The following SIPA1L1 variants were observed in gnomAD, a reference collection of about 807,000 sequenced individuals.
The protein encoded by SIPA1L1 is signal-induced proliferation-associated 1-like protein 1.
SIPA1L1 carries 26 observed loss-of-function variants against 162.7 expected under a neutral mutation model. That is an observed-to-expected ratio of 0.16 (90% CI 0.12 to 0.22). SIPA1L1 has a LOEUF of 0.22. SIPA1L1 is among the 10% of genes least tolerant of loss of function. The pLI is 1.00. For missense variants in SIPA1L1, 1,874 were observed against 2,241.0 expected, an observed-to-expected ratio of 0.84 and a Z score of 3.31; for synonymous variants, 829 against 837.4, an observed-to-expected ratio of 0.99 and a Z score of 0.17.
At chr14:71,536,441 AATG>A (rs2053913851) in intron 4 of SIPA1L1, among the ~76,000 whole-genome samples, 1 of 152,220 alleles carries the variant, frequency 6.6e-6, no homozygotes, top group Admixed American at 6.5e-5. Context: ...AAACAGAGCA[AATG>A]ATGAGAGCTT....
At position 71,329,228 on chromosome 14, in the gene SIPA1L1, T is replaced by C. The variant is rs545054040; in HGVS notation, c.-465+8047T>C. On this transcript the variant is annotated intron_variant, in intron 2 of 23. Coordinates refer to ENST00000381232, the MANE Select transcript of SIPA1L1 (RefSeq NM_001386936.1). ...TGCTATGAACGTGGGTGTGCAGATA[T>C]CTCTTCAAGATCCTGCTTTTAATTA... Among the ~76,000 whole-genome samples the C allele has an allele frequency of 8.5e-5, 13 of 152,352 alleles. 1 individual carries two copies. In the South Asian group the frequency reaches 2.3e-3, roughly 27 times the overall value.
intron 4 of SIPA1L1, among the ~76,000 whole-genome samples, chr14:71,577,930 A>T (rs1216723343): frequency 6.6e-6 from 1 of 151,144 alleles, no homozygotes; most frequent in Non-Finnish European, 1.5e-5. Flanking sequence ...TCTTTCTCCG[A>T]TACAGAGTCT....
intron 13 of SIPA1L1, 99 bp from the exon 14 acceptor site, chr14:71,698,882 C>A: frequency 1.7e-6 from 2 of 1,153,600 alleles, no homozygotes; most frequent in Non-Finnish European, 1.2e-6. Flanking sequence ...TCCATGAAGT[C>A]ACTGTTTTTG....
chr14:71,625,909 T>G (rs2039933802), intron 7 of SIPA1L1, among the ~76,000 whole-genome samples: 1 of 152,228 alleles, frequency 6.6e-6, no homozygotes, highest in African/African-American at 2.4e-5. Context: ...CTTGTAGACA[T>G]TATGGGGATT....
At chr14:71,337,708 G>A (rs961415561) in intron 2 of SIPA1L1, among the ~76,000 whole-genome samples, 1 of 152,090 alleles carries the variant, frequency 6.6e-6, no homozygotes, top group Non-Finnish European at 1.5e-5. Flanking sequence ...CAGCCAAACC[G>A]TATCAGAGGC....
intron 2 of SIPA1L1, among the ~76,000 whole-genome samples, chr14:71,334,002 G>T (rs142235253): frequency 1.5e-3 from 225 of 152,302 alleles, no homozygotes; most frequent in Non-Finnish European, 2.5e-3. Flanking sequence ...TGACACCGAG[G>T]TGTTTAGCCT....
intron 4 of SIPA1L1, among the ~76,000 whole-genome samples, chr14:71,553,160 G>C (rs1327103328): frequency 6.6e-6 from 1 of 152,146 alleles, no homozygotes; most frequent in Non-Finnish European, 1.5e-5. Context: ...TAAAAAATCA[G>C]ATAGAAATCT....
rs765434270 is a variant in SIPA1L1 at position 71,377,979 on chromosome 14, C to T, written c.-465+56798C>T. ...GACCGTGGAAAGCAGGAGATGGAGA[C>T]GAGGGAGAGGGGGAGACAGTGGAAA... On this transcript the variant is annotated intron_variant, in intron 2 of 23. Coordinates refer to ENST00000381232, the MANE Select transcript of SIPA1L1 (RefSeq NM_001386936.1). This position sits in a 1 kb window ranked among gnomAD's most constrained non-coding sequence, Gnocchi z 4.8. Among the ~76,000 whole-genome samples, 24 of 151,854 alleles carry T rather than the reference C, an allele frequency of 1.6e-4. No homozygotes were observed. The highest frequency in any genetic ancestry group is 4.2e-4 in the South Asian group (2 of 4,806).
At chr14:71,519,204 G>A (rs1295485896) in intron 3 of SIPA1L1, among the ~76,000 whole-genome samples, 1 of 152,074 alleles carries the variant, frequency 6.6e-6, no homozygotes, top group Non-Finnish European at 1.5e-5. Context: ...GCTGTGGTGG[G>A]AGGATCACTT....
chr14:71,484,062 C>T (rs566243196), intron 2 of SIPA1L1, among the ~76,000 whole-genome samples: 1 of 152,244 alleles, frequency 6.6e-6, no homozygotes, highest in East Asian at 1.9e-4. Context: ...TATTTGTGTT[C>T]CTCTAGCCTG....
intron 2 of SIPA1L1, among the ~76,000 whole-genome samples, chr14:71,489,298 G>T (rs2049035409): frequency 6.6e-6 from 1 of 152,200 alleles, no homozygotes; most frequent in South Asian, 2.1e-4. Context: ...TTTGAAGCTA[G>T]ATAACGTCAG....
intron 3 of SIPA1L1, chr14:71,528,579 G>T (rs1174097180): frequency 1.3e-5 from 2 of 152,158 alleles, no homozygotes; most frequent in Admixed American, 6.5e-5. Context: ...CTTGAACCTG[G>T]GAGGCAGAGG....
chr14:71,601,859 G>A (rs908540412), intron 5 of SIPA1L1, among the ~76,000 whole-genome samples: 17 of 151,754 alleles, frequency 1.1e-4, no homozygotes, highest in African/African-American at 4.1e-4. Context: ...ACGTTTTTTA[G>A]TTTGTTAGTG....
Position 71,685,420 on chromosome 14 carries a change from T to G in SIPA1L1, c.3163T>G (p.Ser1055Ala), listed in dbSNP as rs1432047089. The G allele has an allele frequency of 4.3e-6, 7 of 1,614,190 alleles. No individual in the cohort carries two copies. Among genetic ancestry groups the G allele is most frequent in the Admixed American group, 1.7e-5 (1 of 60,032 alleles). Reference sequence around the variant, plus strand: ...GGAGTACAAAATGAATGAAGGTGTTTCATACGAATTCAAGTTTCCCTTCCG... The same window carrying G: ...GGAGTACAAAATGAATGAAGGTGTTGCATACGAATTCAAGTTTCCCTTCCG... ...VMEYKMNEGV[S>A]YEFKFPFRNN... is the part of the protein sequence containing the mutation. The change falls in exon 13 of 24, where the codon TCA (serine) becomes GCA (alanine). Residue 1055 changes from serine to alanine, a missense_variant. By Grantham distance (99) the Ser-to-Ala change is moderately conservative. Transcript: ENST00000381232.
chr14:71,502,255 A>AAAAAAATATATAT (rs67020418), intron 2 of SIPA1L1, among the ~76,000 whole-genome samples: 2 of 97,558 alleles, frequency 2.1e-5, no homozygotes, highest in African/African-American at 4.5e-5. Flanking sequence ...AAAAAAAAAA[A>AAAAAAATATATAT]ATATATATAT....
At chr14:71,324,425 A>C (rs2033543756) in intron 2 of SIPA1L1, among the ~76,000 whole-genome samples, 1 of 152,312 alleles carries the variant, frequency 6.6e-6, no homozygotes, top group African/African-American at 2.4e-5. Context: ...GTTATGTTAA[A>C]ATTTTACTAC....
intron 2 of SIPA1L1, among the ~76,000 whole-genome samples, chr14:71,353,112 CTAAA>C (rs1023130293): frequency 5.3e-5 from 8 of 152,168 alleles, no homozygotes; most frequent in African/African-American, 1.9e-4. Flanking sequence ...AATAAAATGA[CTAAA>C]TACCACATTC....
At chr14:71,731,378 G>A (rs1351357532) in intron 20 of SIPA1L1, among the ~76,000 whole-genome samples, 1 of 151,956 alleles carries the variant, frequency 6.6e-6, no homozygotes, top group Admixed American at 6.6e-5. Context: ...GCTAAAATCT[G>A]GGTTGTCTTT....
At chr14:71,486,703 T>C (rs2048787935) in intron 2 of SIPA1L1, among the ~76,000 whole-genome samples, 1 of 152,218 alleles carries the variant, frequency 6.6e-6, no homozygotes, top group African/African-American at 2.4e-5. Flanking sequence ...TATTTAAGAG[T>C]ATTTTAAAGA....
Sources: allele counts gnomAD v4.1 joint callset (sites outside exome capture counted in the v4.1 genomes callset), GRCh38; gene constraint gnomAD v4.1.1; non-coding constraint Gnocchi (gnomAD v3.1); transcripts MANE v1.5; gene names NCBI Gene and HGNC (gene_info 2026-07-23, HGNC 2026-07-21).